The following CKAP5 variants were observed in gnomAD, a reference collection of about 807,000 sequenced individuals.
CKAP5 encodes cytoskeleton associated protein 5.
A neutral mutation model predicts 232.8 loss-of-function variants in CKAP5; 27 were observed. The observed-to-expected ratio is 0.12, with a 90% CI of 0.09 to 0.16. The LOEUF (loss-of-function observed/expected upper bound fraction) is 0.16. Among genes scored for constraint, CKAP5 ranks in the 10% least tolerant of loss-of-function variants. The pLI, the probability that CKAP5 is intolerant of heterozygous loss-of-function variation, is 1.00. For missense variants in CKAP5, 1,838 were observed against 2,424.7 expected, an observed-to-expected ratio of 0.76 and a Z score of 5.08; for synonymous variants, 785 against 841.1, an observed-to-expected ratio of 0.93 and a Z score of 1.16.
At chr11:46,806,279 G>A (rs893721438) in intron 8 of CKAP5, among the ~76,000 whole-genome samples, 1 of 152,196 alleles carries the variant, frequency 6.6e-6, no homozygotes, top group African/African-American at 2.4e-5. Flanking sequence ...CTGTCTTTGT[G>A]TGAGAAGCTA....
At chr11:46,793,741 G>A (rs953896169) in intron 13 of CKAP5, among the ~76,000 whole-genome samples, 8 of 152,120 alleles carry the variant, frequency 5.3e-5, no homozygotes, top group African/African-American at 1.2e-4. Context: ...TGGCCAACAC[G>A]GCAAAACCCC....
chr11:46,782,125 T>A (rs2065348371), intron 18 of CKAP5, among the ~76,000 whole-genome samples: 1 of 152,106 alleles, frequency 6.6e-6, no homozygotes, highest in African/African-American at 2.4e-5. Flanking sequence ...GCGCCCGGCC[T>A]GCCTGCCTCT....
intron 24 of CKAP5, among the ~76,000 whole-genome samples, chr11:46,773,342 C>T (rs1190662346): frequency 3.3e-5 from 5 of 151,352 alleles, no homozygotes; most frequent in Admixed American, 2.0e-4. Flanking sequence ...CTCCGCCTCC[C>T]GGTTCAAGTG....
chr11:46,820,921 A>G (rs1213538949), intron 2 of CKAP5: 1 of 423,326 alleles, frequency 2.4e-6, no homozygotes, highest in Non-Finnish European at 4.2e-6. Flanking sequence ...TGAAAAAACT[A>G]GCCAGTTACT....
At chr11:46,771,007 T>C (rs749201010) in intron 24 of CKAP5, 25 bp from the exon 25 acceptor site, 1 of 1,591,860 alleles carries the variant, frequency 6.3e-7, no homozygotes, top group Non-Finnish European at 8.6e-7. Context: ...AAAGACTAGT[T>C]ACACACTTCA....
At chr11:46,831,389 CTCT>C (rs1939788912) in intron 1 of CKAP5, among the ~76,000 whole-genome samples, 2 of 152,176 alleles carry the variant, frequency 1.3e-5, no homozygotes, top group Admixed American at 6.5e-5. Flanking sequence ...TTCACTCTCT[CTCT>C]TAACATTTTT....
chr11:46,762,162 C>T lies in CKAP5; in HGVS notation c.4059G>A (p.Glu1353=), dbSNP rs1369681605. ...GTTGGCAAACATTCATGCCATAGGA[C>T]TCAACCAGACATCCCAGCTCTTCCA... ...ECLEELGCLV[E]SYGMNVCQPT... The change falls in exon 32 of 44, where the codon GAG becomes GAA. Residue 1353 remains glutamate, a synonymous_variant. Transcript: ENST00000529230. 6.2e-7 allele frequency: 1 copy of T among 1,614,024 alleles called. No individual in the cohort carries two copies. The highest frequency in any genetic ancestry group is 1.1e-5 in the South Asian group (1 of 91,076).
At chr11:46,753,118 TCAAC>T (rs889478190) in intron 37 of CKAP5, 188 bp downstream of exon 37, 2 of 487,774 alleles carry the variant, frequency 4.1e-6, no homozygotes, top group Non-Finnish European at 7.1e-6. Context: ...GAGTAATAAA[TCAAC>T]TTCCTAGGCA....
At chr11:46,843,719 G>C (rs1240588073) in intron 1 of CKAP5, among the ~76,000 whole-genome samples, 16 of 99,250 alleles carry the variant, frequency 1.6e-4, no homozygotes, top group Admixed American at 1.3e-4. Flanking sequence ...GAAAGAGTGA[G>C]ATCTGATTGA....
At chr11:46,784,442 GA>G (rs748175845) in intron 17 of CKAP5, 45 bp downstream of exon 17, 4 of 1,477,816 alleles carry the variant, frequency 2.7e-6, no homozygotes, top group South Asian at 1.3e-5. Flanking sequence ...AAGTTTGGGG[GA>G]AAAAATTGGG....
intron 3 of CKAP5, 77 bp from the exon 4 acceptor site, chr11:46,816,481 T>G (rs565622231): frequency 1.9e-5 from 19 of 1,020,786 alleles, no homozygotes; most frequent in Admixed American, 1.6e-4. Context: ...GGGGGTGTAC[T>G]AGTACTTTTA....
intron 5 of CKAP5, 22 bp downstream of exon 5, chr11:46,810,985 A>G (rs1330408044): frequency 6.4e-7 from 1 of 1,563,520 alleles, no homozygotes; most frequent in East Asian, 2.3e-5. Flanking sequence ...TGCGAAAGCA[A>G]CCAGAAAACT....
chr11:46,778,482 G>C lies in CKAP5; in HGVS notation c.2551C>G (p.Leu851Val). The C allele has an allele frequency of 6.2e-7, 1 of 1,614,098 alleles. No homozygotes were observed. The highest frequency in any genetic ancestry group is 8.5e-7 in the Non-Finnish European group (1 of 1,180,020). ...PDDGSNDVVDLLPRTEISDKI... is the reference protein window; with the variant it reads ...PDDGSNDVVDVLPRTEISDKI... ...TACCTGATCTCCGTCCTCGGCAAAA[G>C]ATCAACGACATCATTGCTCCCGTCA... Residue 851 changes from leucine (L) to valine (V), a missense_variant, in exon 21 of 44, where the codon CTT becomes GTT. This residue lies in a region of CKAP5 where 767 missense variants were observed against 954.6 expected (regional missense o/e 0.80). Coordinates refer to ENST00000529230, the MANE Select transcript of CKAP5 (RefSeq NM_001008938.4).
intron 9 of CKAP5, among the ~76,000 whole-genome samples, chr11:46,799,031 GCT>G (rs1477392489): frequency 1.3e-5 from 2 of 152,168 alleles, no homozygotes; most frequent in African/African-American, 4.8e-5. Flanking sequence ...TGCCGCCTCT[GCT>G]CTGTCACCCA....
At chr11:46,770,397 G>A (rs2065237317) in intron 25 of CKAP5, 8 of 366,192 alleles carry the variant, frequency 2.2e-5, no homozygotes, top group Admixed American at 4.2e-5. Flanking sequence ...CTCACAGGAG[G>A]TAATATGGTT....
rs1939264979 is a variant in CKAP5 at position 46,811,130 on chromosome 11, C to T, written c.507G>A (p.Leu169=). Reference sequence around the variant, plus strand: ...TCTCTCGAGACTCAAAGAGTTTTGGCAACACTTTGATAATTGGCTTAAGCA... The same window carrying T: ...TCTCTCGAGACTCAAAGAGTTTTGGTAACACTTTGATAATTGGCTTAAGCA... ...IILLKPIIKV[L]PKLFESREKA... is the part of the protein sequence containing the mutation. The change falls in exon 5 of 44, where the codon TTG becomes TTA. Residue 169 remains leucine, a synonymous_variant. Transcript: ENST00000529230. 2 of 1,613,766 alleles carry T rather than the reference C, an allele frequency of 1.2e-6. No individual in the cohort carries two copies. Among genetic ancestry groups the T allele is most frequent in the Non-Finnish European group, 1.7e-6 (2 of 1,179,946 alleles).
At chr11:46,782,802 T>C (rs1592454456) in intron 18 of CKAP5, among the ~76,000 whole-genome samples, 1 of 152,222 alleles carries the variant, frequency 6.6e-6, no homozygotes, top group Non-Finnish European at 1.5e-5. Context: ...TTTTTAAAAG[T>C]ACCTGGGATA....
Position 46,772,742 on chromosome 11 carries a change from T to TG in CKAP5, c.2992-1761_2992-1760insC, listed in dbSNP as rs201122330. ...TTGTAAAGTGATTCCTCTTTTTTTT[T>TG]TTTGTTTTTTTGTTTTTGAGACGGA... On this transcript the variant is annotated intron_variant, in intron 24 of 43. Coordinates refer to ENST00000529230, the MANE Select transcript of CKAP5 (RefSeq NM_001008938.4). Among the ~76,000 whole-genome samples the TG allele has an allele frequency of 3.7e-4, 56 of 152,032 alleles. 1 individual carries two copies. In the East Asian group the frequency reaches 0.011, roughly 29 times the overall value.
intron 39 of CKAP5, 44 bp downstream of exon 39, chr11:46,751,300 ATT>A: frequency 1.2e-6 from 2 of 1,613,922 alleles, no homozygotes; most frequent in South Asian, 2.2e-5. Context: ...CATTTCCATG[ATT>A]TTCTCTCAAG....
Sources: allele counts gnomAD v4.1 joint callset (sites outside exome capture counted in the v4.1 genomes callset), GRCh38; gene constraint gnomAD v4.1.1; regional missense constraint gnomAD v4.1.1; transcripts MANE v1.5; gene names NCBI Gene and HGNC (gene_info 2026-07-23, HGNC 2026-07-21).